The following ZNF142 variants were observed in gnomAD, a reference collection of about 807,000 sequenced individuals.
ZNF142 encodes the protein zinc finger protein 142.
Under a neutral mutation model 132.1 loss-of-function variants are expected in ZNF142, and 96 were observed. That is an observed-to-expected ratio of 0.73 (90% CI 0.62 to 0.86). The LOEUF (loss-of-function observed/expected upper bound fraction) is 0.86. ZNF142 is among the 40% of genes least tolerant of loss of function. ZNF142 has a pLI of 0.00. For missense variants in ZNF142, 2,163 were observed against 2,336.2 expected (o/e 0.93, Z 1.53); for synonymous variants, 842 against 890.1 (o/e 0.95, Z 0.96).
intron 8 of ZNF142, 21 bp from the exon 9 acceptor site, chr2:218,645,085 G>T: frequency 6.2e-7 from 1 of 1,600,090 alleles, no homozygotes. Flanking sequence ...GGGAAAGGGG[G>T]AGGCAATCAC....
At chr2:218,645,499 G>A (rs1036845898) in intron 8 of ZNF142, among the ~76,000 whole-genome samples, 6 of 152,212 alleles carry the variant, frequency 3.9e-5, no homozygotes, top group Non-Finnish European at 7.3e-5. Context: ...TTAGCCAGCT[G>A]TGCCATAGGT....
In ZNF142 at chr2:218,652,180, A is replaced by G; in HGVS notation, c.401T>C (p.Leu134Pro). 2.2e-6 allele frequency: 1 copy of G among 455,182 alleles called. No homozygotes were observed. The highest frequency in any genetic ancestry group is 4.4e-6 in the Non-Finnish European group (1 of 225,986). 28.2% of individuals were successfully genotyped at this position (455,182 alleles called of 1,614,324 possible). The change falls in exon 5 of 11, where the codon CTC becomes CCC. Residue 134 changes from leucine (L) to proline (P), a missense_variant. Leu to Pro is a moderately conservative substitution (Grantham distance 98). Coordinates refer to ENST00000411696, the MANE Select transcript of ZNF142 (RefSeq NM_001379659.1). ...CTCTACAGAGCATGGGGGGCTAGAG[A>G]GGCCCTGCACAGGCTGTATATGGGT... ...SETHIQPVQG[L>P]SSPPCSVELP...
In ZNF142 at chr2:218,633,873, G is replaced by A; in HGVS notation, c.*4466C>T. On this transcript the variant is annotated 3_prime_UTR_variant, in exon 11 of 11. Transcript: ENST00000411696. The stretch of plus-strand genomic sequence containing the variant: ...GACAAGGTAGCTAAGGAGAGATGAA[G>A]GAGTTCAGAAACTCCTTAGAGCAGA... The A allele has an allele frequency of 1.7e-6, 2 of 1,158,520 alleles. No homozygotes were observed. The highest frequency in any genetic ancestry group is 2.5e-5 in the East Asian group (1 of 40,026). The allele number at this position is 1,158,520 out of a possible 1,614,324, so 71.8% of individuals were successfully genotyped here.
intron 4 of ZNF142, among the ~76,000 whole-genome samples, chr2:218,655,053 C>A (rs951565474): frequency 3.9e-5 from 6 of 152,180 alleles, no homozygotes; most frequent in African/African-American, 1.4e-4. Context: ...TGTGCCACTG[C>A]ACTCTAGCCT....
chr2:218,649,297 C>T lies in ZNF142; in HGVS notation c.1211G>A (p.Ser404Asn). 1 of 1,614,252 alleles carries T rather than the reference C, an allele frequency of 6.2e-7. No individual in the cohort carries two copies. Among genetic ancestry groups the T allele is most frequent in the Non-Finnish European group, 8.5e-7 (1 of 1,180,046 alleles). The change falls in exon 7 of 11, where the codon AGC becomes AAC. Residue 404 changes from serine to asparagine, a missense_variant. Around this residue, in one of 7 missense-constraint regions of ZNF142, gnomAD observed 749 missense variants for 830.3 expected, o/e 0.90. Coordinates refer to ENST00000411696, the MANE Select transcript of ZNF142 (RefSeq NM_001379659.1). ...PNCQKFFTSK[S>N]KLKTHLLREL... is the part of the protein sequence containing the mutation. Reference sequence around the variant, plus strand: ...CCGCAGCAGATGGGTCTTGAGCTTGCTCTTACTGGTGAAGAACTTCTGGCA... The same window carrying T: ...CCGCAGCAGATGGGTCTTGAGCTTGTTCTTACTGGTGAAGAACTTCTGGCA...
chr2:218,655,263 T>C (rs1038413940), intron 4 of ZNF142, among the ~76,000 whole-genome samples: 2 of 152,240 alleles, frequency 1.3e-5, no homozygotes, highest in Non-Finnish European at 2.9e-5. Flanking sequence ...CATATGGAAG[T>C]TTGGAAATAT....
intron 8 of ZNF142, among the ~76,000 whole-genome samples, chr2:218,645,451 C>T (rs762643785): frequency 2.6e-5 from 4 of 152,196 alleles, no homozygotes; most frequent in East Asian, 1.9e-4. Context: ...TGCCTCATTT[C>T]CCTTCTCCCA....
chr2:218,635,197 G>A lies in ZNF142; in HGVS notation c.*3142C>T, dbSNP rs1012372964. Among the ~76,000 whole-genome samples the A allele has an allele frequency of 3.9e-5, 6 of 152,058 alleles. No homozygotes were observed. The highest frequency in any genetic ancestry group is 8.8e-5 in the Non-Finnish European group (6 of 67,994). ...GCTGGAGGGTCACTTTAGCCCAGGA[G>A]ATGGAGGTTGCAGTGAGCTATGACT... On this transcript the variant is annotated 3_prime_UTR_variant, in exon 11 of 11. Transcript: ENST00000411696.
intron 10 of ZNF142, among the ~76,000 whole-genome samples, chr2:218,639,374 T>C (rs1277782343): frequency 6.6e-6 from 1 of 152,238 alleles, no homozygotes; most frequent in African/African-American, 2.4e-5. Flanking sequence ...CAATGGATGC[T>C]GATGATTAAC....
In ZNF142 at chr2:218,643,623, G is replaced by C. The variant is rs1236961776; in HGVS notation, c.3493C>G (p.Pro1165Ala). The part of the protein sequence containing the change: ...PLATVSGSPV[P>A]PAGNSLPTEA... ...GTGGGCAAGGAGTTTCCTGCAGGAG[G>C]GACTGGGGAACCAGAGACTGTGGCA... The change falls in exon 9 of 11, where the codon CCT (proline) becomes GCT (alanine). Residue 1165 changes from proline (P) to alanine (A), a missense_variant. Around this residue, in one of 7 missense-constraint regions of ZNF142, gnomAD observed 809 missense variants for 801.7 expected, o/e 1.01. Transcript: ENST00000411696. 6 of 1,556,122 alleles carry C rather than the reference G, an allele frequency of 3.9e-6. No individual in the cohort carries two copies. Among genetic ancestry groups the C allele is most frequent in the Non-Finnish European group, 3.5e-6 (4 of 1,153,374 alleles).
At chr2:218,647,898 CT>C (rs1487937224) in intron 7 of ZNF142, among the ~76,000 whole-genome samples, 2 of 152,172 alleles carry the variant, frequency 1.3e-5, no homozygotes, top group African/African-American at 2.4e-5. Flanking sequence ...AAGATTAAGC[CT>C]TTTGGAAAGA....
chr2:218,649,836 G>C (rs935028831), intron 6 of ZNF142, among the ~76,000 whole-genome samples: 10 of 152,198 alleles, frequency 6.6e-5, no homozygotes, highest in African/African-American at 2.2e-4. Flanking sequence ...GAGCCCCCAA[G>C]GGGGTGAGCC....
chr2:218,634,631 G>A lies in ZNF142; in HGVS notation c.*3708C>T. On this transcript the variant is annotated 3_prime_UTR_variant, in exon 11 of 11. Transcript: ENST00000411696. The surrounding 1 kb of genome is among the most constrained non-coding windows in gnomAD (Gnocchi z 4.0). ...CAAAGCCCAGACTCTCTTAATCCAG[G>A]TACAGTGGAAATAAACTGTTGGGAA... The A allele has an allele frequency of 6.2e-7, 1 of 1,612,746 alleles. No homozygotes were observed. Among genetic ancestry groups the A allele is most frequent in the Non-Finnish European group, 8.5e-7 (1 of 1,179,412 alleles).
intron 4 of ZNF142, among the ~76,000 whole-genome samples, chr2:218,654,786 A>G (rs1336094795): frequency 1.3e-5 from 2 of 149,916 alleles, no homozygotes; most frequent in African/African-American, 2.4e-5. Flanking sequence ...TCCCATTTAA[A>G]AAAAAAAAAA....
In ZNF142 at chr2:218,649,208, G is replaced by C. The variant is rs755351435; in HGVS notation, c.1300C>G (p.Leu434Val). 1.2e-6 allele frequency: 2 copies of C among 1,614,234 alleles called. No individual in the cohort carries two copies. The highest frequency in any genetic ancestry group is 1.7e-6 in the Non-Finnish European group (2 of 1,180,034). ...TGCATGCTGGCCATGTGGCGGTTGAGTGCATTCCTCTCCACCGCACTGTAG... is the reference window on the plus strand; with the variant it reads ...TGCATGCTGGCCATGTGGCGGTTGACTGCATTCCTCTCCACCGCACTGTAG... ...CHYSAVERNA[L>V]NRHMASMHED... Residue 434 changes from leucine to valine, a missense_variant, in exon 7 of 11, where the codon CTC becomes GTC. Around this residue, in one of 7 missense-constraint regions of ZNF142, gnomAD observed 749 missense variants for 830.3 expected, o/e 0.90. Coordinates refer to ENST00000411696, the MANE Select transcript of ZNF142 (RefSeq NM_001379659.1).
rs772618045 is a variant in ZNF142 at position 218,652,105 on chromosome 2, G to T, written c.476C>A (p.Pro159Gln). ...TLPGPLQGQS[P>Q]PVSPLSCPVC... Reference sequence around the variant, plus strand: ...AGGGCATGATAGGGGGCTAACTGGCGGGCTCTGGCCCTGCAGAGGGCCAGG... The same window carrying T: ...AGGGCATGATAGGGGGCTAACTGGCTGGCTCTGGCCCTGCAGAGGGCCAGG... The change falls in exon 5 of 11, where the codon CCG becomes CAG. Residue 159 changes from proline to glutamine, a missense_variant. Around this residue, in one of 7 missense-constraint regions of ZNF142, gnomAD observed 195 missense variants for 172.4 expected, o/e 1.13. Coordinates refer to ENST00000411696, the MANE Select transcript of ZNF142 (RefSeq NM_001379659.1). 1 of 449,506 alleles carries T rather than the reference G, an allele frequency of 2.2e-6. No individual in the cohort carries two copies. Among genetic ancestry groups the T allele is most frequent in the Admixed American group, 2.4e-5 (1 of 42,024 alleles). 27.8% of individuals were successfully genotyped at this position (449,506 alleles called of 1,614,324 possible).
chr2:218,633,872 A>ACCC lies in ZNF142; in HGVS notation c.*4466_*4467insGGG. On this transcript the variant is annotated 3_prime_UTR_variant, in exon 11 of 11. Transcript: ENST00000411696. ...AGACAAGGTAGCTAAGGAGAGATGA[A>ACCC]GGAGTTCAGAAACTCCTTAGAGCAG... The ACCC allele has an allele frequency of 2.9e-6, 4 of 1,369,070 alleles. No individual in the cohort carries two copies. The highest frequency in any genetic ancestry group is 4.0e-6 in the Non-Finnish European group (4 of 988,626). 84.8% of individuals were successfully genotyped at this position (1,369,070 alleles called of 1,614,324 possible). A position where few individuals can be genotyped will look rare whatever the true frequency, so the allele number is the denominator to read the frequency against.
At chr2:218,648,152 G>A (rs934676261) in intron 7 of ZNF142, among the ~76,000 whole-genome samples, 4 of 152,360 alleles carry the variant, frequency 2.6e-5, no homozygotes, top group African/African-American at 4.8e-5. Context: ...TTACGAGTGC[G>A]AGTTAAACAT....
At chr2:218,657,583 C>T (rs1402475751) in intron 3 of ZNF142, among the ~76,000 whole-genome samples, 1 of 152,140 alleles carries the variant, frequency 6.6e-6, no homozygotes, top group Non-Finnish European at 1.5e-5. Context: ...CATGTACCAC[C>T]ACGCCTGGCT....
Sources: gnomAD v4.1 joint callset for allele counts (sites outside exome capture counted in the v4.1 genomes callset) on GRCh38, gnomAD v4.1.1 for gene constraint, gnomAD v4.1.1 regional missense constraint, Gnocchi (gnomAD v3.1) non-coding constraint, MANE v1.5 for transcripts, NCBI Gene and HGNC (gene_info 2026-07-23, HGNC 2026-07-21) for gene names.